BRF1: variants seen among roughly 807,000 people sequenced by gnomAD.
The protein encoded by BRF1 is BRF1 general transcription factor IIIB subunit.
In BRF1, 59 loss-of-function variants were observed where a neutral mutation model predicts 81.7. The ratio of observed to expected loss-of-function variants is 0.72; its 90% confidence interval spans 0.59 to 0.90. The LOEUF (loss-of-function observed/expected upper bound fraction) is 0.90, where lower values mean the gene tolerates loss of function less well. Among genes scored for constraint, BRF1 ranks in the 40% least tolerant of loss-of-function variants. The pLI is 0.00. For synonymous variants in BRF1, 491 were observed against 395.6 expected (o/e 1.24, Z -2.86); for missense variants, 1,050 against 936.3 (o/e 1.12, Z -1.58).
At chr14:105,290,972 G>A (rs1009419030) in intron 1 of BRF1, among the ~76,000 whole-genome samples, 2 of 152,072 alleles carry the variant, frequency 1.3e-5, no homozygotes, top group Admixed American at 6.6e-5. Flanking sequence ...CCCACAGGGA[G>A]GATGAAAGAG....
At chr14:105,249,671 G>C in intron 5 of BRF1, 1 of 1,613,068 alleles carries the variant, frequency 6.2e-7, no homozygotes, top group African/African-American at 1.3e-5. Flanking sequence ...CGATCTGGAA[G>C]CCGACACGGT....
intron 1 of BRF1, among the ~76,000 whole-genome samples, chr14:105,313,014 C>A (rs1308491334): frequency 6.6e-6 from 1 of 152,128 alleles, no homozygotes. Context: ...CTGTCACGTC[C>A]CTTAAGGGCT....
At chr14:105,222,011 G>T in intron 10 of BRF1, 97 bp from the exon 11 acceptor site, 1 of 1,445,078 alleles carries the variant, frequency 6.9e-7, no homozygotes, top group Non-Finnish European at 9.1e-7. Context: ...GTAACCCATA[G>T]AACGGCTGTC....
chr14:105,286,376 C>A lies in BRF1; in HGVS notation c.185G>T (p.Gly62Val). ...ACCCAGAGTCGGGGTTTTGCCAGCACCTGGAAACACAAAAAAAGACAGATC... is the reference window on the plus strand; with the variant it reads ...ACCCAGAGTCGGGGTTTTGCCAGCAACTGGAAACACAAAAAAAGACAGATC... ...SAVGQFVSLD[G>V]AGKTPTLGGG... Residue 62 changes from glycine (G) to valine (V), a missense_variant and splice_region_variant, in exon 2 of 18, where the codon GGT (glycine) becomes GTT (valine). Gly to Val is a moderately radical substitution (Grantham distance 109, BLOSUM62 -3). Around this residue, in one of 2 missense-constraint regions of BRF1, gnomAD observed 1,043 missense variants for 915.4 expected, o/e 1.14. Coordinates refer to ENST00000547530, the MANE Select transcript of BRF1 (RefSeq NM_001519.4). 6.2e-7 allele frequency: 1 copy of A among 1,612,410 alleles called. No homozygotes were observed. The highest frequency in any genetic ancestry group is 8.5e-7 in the Non-Finnish European group (1 of 1,179,372).
chr14:105,312,069 C>A (rs587637456), intron 1 of BRF1, among the ~76,000 whole-genome samples: 2 of 152,322 alleles, frequency 1.3e-5, no homozygotes, highest in South Asian at 4.1e-4. Flanking sequence ...CTCCCCCACT[C>A]CCCGACTTCA....
At chr14:105,247,214 T>G (rs769050903) in intron 5 of BRF1, 1 of 985,428 alleles carries the variant, frequency 1.0e-6, no homozygotes, top group Non-Finnish European at 1.2e-6. Flanking sequence ...ACACTTTCTC[T>G]CGGAACTTTC....
intron 1 of BRF1, among the ~76,000 whole-genome samples, chr14:105,297,579 G>C (rs1355146794): frequency 1.3e-5 from 2 of 151,844 alleles, no homozygotes; most frequent in African/African-American, 4.8e-5. Context: ...CAAAAAAAGA[G>C]AAAGAAAGAA....
chr14:105,314,461 G>C (rs936260893), intron 1 of BRF1: 53 of 149,506 alleles, frequency 3.5e-4, no homozygotes, highest in African/African-American at 1.3e-3. Context: ...GCTCCCGGGG[G>C]GCGGGGCGGG....
In BRF1 at chr14:105,209,327, T is replaced by A. The variant is rs1889816515; in HGVS notation, c.*1224A>T. 1.8e-6 allele frequency: 1 copy of A among 555,044 alleles called. No individual in the cohort carries two copies. Among genetic ancestry groups the A allele is most frequent in the African/African-American group, 1.9e-5 (1 of 52,008 alleles). The allele number at this position is 555,044 out of a possible 1,614,324, so 34.4% of individuals were successfully genotyped here. On this transcript the variant is annotated 3_prime_UTR_variant, in exon 18 of 18. Coordinates refer to ENST00000547530, the MANE Select transcript of BRF1 (RefSeq NM_001519.4). ...ACAGATCTTCCTGCTTTACTAAATC[T>A]ATTCTTCCCCCAAGCCCTCGAGAAG...
intron 10 of BRF1, chr14:105,222,380 AAC>A (rs1009924665): frequency 1.3e-5 from 2 of 155,202 alleles, no homozygotes; most frequent in East Asian, 1.9e-4. Context: ...TTCACAAGAA[AAC>A]ACAACCCAAT....
intron 16 of BRF1, 65 bp from the exon 17 acceptor site, chr14:105,211,358 C>T: frequency 7.1e-7 from 1 of 1,403,246 alleles, no homozygotes; most frequent in Non-Finnish European, 9.5e-7. Flanking sequence ...ACAGACCCCT[C>T]AGACCCACCA....
intron 10 of BRF1, among the ~76,000 whole-genome samples, chr14:105,224,885 A>C (rs1474678070): frequency 6.6e-6 from 1 of 152,218 alleles, no homozygotes; most frequent in Non-Finnish European, 1.5e-5. Context: ...AATGTGTTCC[A>C]ATACAAGATT....
At chr14:105,217,885 C>T in intron 14 of BRF1, 85 bp from the exon 15 acceptor site, 2 of 1,557,162 alleles carry the variant, frequency 1.3e-6, no homozygotes, top group Non-Finnish European at 8.7e-7. Flanking sequence ...GCCAGGAGTG[C>T]AGGCGGGTGA....
At chr14:105,312,995 G>GGGA (rs1211584783) in intron 1 of BRF1, among the ~76,000 whole-genome samples, 1 of 152,158 alleles carries the variant, frequency 6.6e-6, no homozygotes, top group Non-Finnish European at 1.5e-5. Context: ...CACTTGGGAT[G>GGGA]GGACAGAACT....
At chr14:105,244,885 C>T (rs752439107) in intron 5 of BRF1, among the ~76,000 whole-genome samples, 3 of 150,208 alleles carry the variant, frequency 2.0e-5, no homozygotes, top group Admixed American at 6.7e-5. Flanking sequence ...TATGATAGAA[C>T]AAAGAAACCC....
chr14:105,283,055 G>C (rs1346317077), intron 2 of BRF1, among the ~76,000 whole-genome samples: 1 of 152,192 alleles, frequency 6.6e-6, no homozygotes. Flanking sequence ...TGTGTCTCCA[G>C]AAGTATTTGA....
At chr14:105,282,325 C>A (rs755079006) in intron 2 of BRF1, among the ~76,000 whole-genome samples, 4 of 152,212 alleles carry the variant, frequency 2.6e-5, no homozygotes, top group Non-Finnish European at 5.9e-5. Context: ...AGAGTCCTCG[C>A]AGAACATGAC....
intron 2 of BRF1, among the ~76,000 whole-genome samples, chr14:105,285,293 G>T (rs906081723): frequency 1.3e-5 from 2 of 152,226 alleles, no homozygotes; most frequent in Non-Finnish European, 2.9e-5. Flanking sequence ...CCTGAACAGC[G>T]TGGAACGGGC....
At chr14:105,286,411 T>C in intron 1 of BRF1, 35 bp from the exon 2 acceptor site, 3 of 1,591,318 alleles carry the variant, frequency 1.9e-6, no homozygotes, top group Non-Finnish European at 2.6e-6. Context: ...CAGCCAAAAC[T>C]TGGAGATCTG....
Sources: gnomAD v4.1 joint callset for allele counts (sites outside exome capture counted in the v4.1 genomes callset) on GRCh38, gnomAD v4.1.1 for gene constraint, gnomAD v4.1.1 regional missense constraint, MANE v1.5 for transcripts, NCBI Gene and HGNC (gene_info 2026-07-23, HGNC 2026-07-21) for gene names.